The following ROBO2 variants were observed in gnomAD, a reference collection of about 807,000 sequenced individuals.
ROBO2 encodes roundabout guidance receptor 2.
Under a neutral mutation model 160.8 loss-of-function variants are expected in ROBO2, and 53 were observed. That is an observed-to-expected ratio of 0.33 (90% CI 0.26 to 0.41). The LOEUF (loss-of-function observed/expected upper bound fraction) is 0.41, where lower values mean the gene tolerates loss of function less well. ROBO2 is among the 10% of genes least tolerant of loss of function. The pLI is 1.00. For synonymous variants in ROBO2, 664 were observed against 611.7 expected (o/e 1.09, Z -1.26); for missense variants, 1,577 against 1,722.4 (o/e 0.92, Z 1.49).
chr3:76,637,436 GA>G lies in ROBO2; in HGVS notation c.110-460568del, dbSNP rs1351885217. On this transcript the variant is annotated intron_variant, in intron 2 of 26. Coordinates refer to the ROBO2 transcript ENST00000487694. ...AAGTTCTAGAAATAAAAAAAAAAAT[GA>G]AAAAAAAAATACTTGGGGGAAAACA... Among the ~76,000 whole-genome samples the G allele has an allele frequency of 2.3e-3, 336 of 145,646 alleles. 3 individuals carry two copies. Among genetic ancestry groups the G allele is most frequent in the African/African-American group, 7.7e-3 (304 of 39,354 alleles).
At chr3:77,604,458 C>T (rs1049989280) in intron 20 of ROBO2, among the ~76,000 whole-genome samples, 2 of 152,054 alleles carry the variant, frequency 1.3e-5, no homozygotes, top group African/African-American at 2.4e-5. Context: ...TTGATTGCCA[C>T]CACCAAGTTT....
chr3:76,990,076 A>G (rs1161640402), intron 2 of ROBO2, among the ~76,000 whole-genome samples: 2 of 105,514 alleles, frequency 1.9e-5, no homozygotes, highest in Non-Finnish European at 3.8e-5. Flanking sequence ...AAAGCTATTG[A>G]AAAATTATTT....
chr3:76,415,740 G>A (rs1040966462), intron 2 of ROBO2, among the ~76,000 whole-genome samples: 17 of 152,042 alleles, frequency 1.1e-4, no homozygotes, highest in African/African-American at 4.1e-4. Flanking sequence ...AGACTAAGAT[G>A]ATCAACCTGT....
intron 2 of ROBO2, among the ~76,000 whole-genome samples, chr3:76,389,276 T>G (rs1576863998): frequency 6.6e-6 from 1 of 152,332 alleles, no homozygotes; most frequent in South Asian, 2.1e-4. Context: ...TCAGGGGATC[T>G]TCAAAGAATG....
intron 2 of ROBO2, among the ~76,000 whole-genome samples, chr3:77,473,430 A>G (rs1167391504): frequency 7.3e-6 from 1 of 137,574 alleles, no homozygotes; most frequent in Non-Finnish European, 1.5e-5. Flanking sequence ...GTTCGATTTT[A>G]CAAACTGCTC....
intron 2 of ROBO2, among the ~76,000 whole-genome samples, chr3:77,019,661 C>T (rs1415051771): frequency 6.6e-6 from 1 of 152,170 alleles, no homozygotes; most frequent in African/African-American, 2.4e-5. Context: ...GTCAGGAAAA[C>T]TCAAACTACC....
At chr3:76,102,467 G>A (rs1347510937) in intron 2 of ROBO2, among the ~76,000 whole-genome samples, 2 of 152,170 alleles carry the variant, frequency 1.3e-5, no homozygotes, top group South Asian at 4.1e-4. Flanking sequence ...TAACAGCTTG[G>A]TAGAGAATTA....
At chr3:76,049,855 G>A (rs911667662) in intron 2 of ROBO2, among the ~76,000 whole-genome samples, 1 of 152,068 alleles carries the variant, frequency 6.6e-6, no homozygotes, top group Non-Finnish European at 1.5e-5. Context: ...TCAGTTGGTA[G>A]TCTTCTGTAT....
intron 2 of ROBO2, among the ~76,000 whole-genome samples, chr3:77,308,814 A>T (rs1458069993): frequency 6.6e-6 from 1 of 152,188 alleles, no homozygotes; most frequent in Non-Finnish European, 1.5e-5. Context: ...TTTCTCTCAG[A>T]TTCTAACTTG....
Position 76,672,168 on chromosome 3 carries a change from A to G in ROBO2, c.110-425846A>G, listed in dbSNP as rs561974113. Among the ~76,000 whole-genome samples the G allele has an allele frequency of 5.0e-4, 76 of 152,256 alleles. 1 individual carries two copies. Among genetic ancestry groups the G allele is most frequent in the African/African-American group, 1.8e-3 (74 of 41,566 alleles). On this transcript the variant is annotated intron_variant, in intron 2 of 26. Transcript: ENST00000487694. ...GCTTCTAGCTTTCTGCTTTGCCATC[A>G]CTACGCTGTGGACTTCTTTGTGGGC...
intron 2 of ROBO2, among the ~76,000 whole-genome samples, chr3:76,930,807 C>G (rs899718215): frequency 5.3e-5 from 8 of 152,146 alleles, no homozygotes; most frequent in Non-Finnish European, 1.0e-4. Flanking sequence ...CTGTTCAGGC[C>G]CTCAGTGGAT....
chr3:77,088,668 A>G (rs906162905), intron 1 of ROBO2, among the ~76,000 whole-genome samples: 2 of 152,222 alleles, frequency 1.3e-5, no homozygotes, highest in African/African-American at 4.8e-5. Flanking sequence ...TACTGACAAT[A>G]TGGATAAATT....
At chr3:77,617,592 G>A (rs768691122) in exon 22 of ROBO2, 3 of 1,614,134 alleles carry the variant, frequency 1.9e-6, no homozygotes, top group Non-Finnish European at 2.5e-6. Context: ...ACTGGAAGAA[G>A]ATGATGATAG....
At chr3:77,346,417 C>G (rs780238365) in intron 2 of ROBO2, among the ~76,000 whole-genome samples, 1 of 152,118 alleles carries the variant, frequency 6.6e-6, no homozygotes, top group Non-Finnish European at 1.5e-5. Context: ...TCTACTCTTA[C>G]AACTATTTTA....
intron 2 of ROBO2, among the ~76,000 whole-genome samples, chr3:77,245,416 A>G (rs2089611397): frequency 6.6e-6 from 1 of 152,128 alleles, no homozygotes; most frequent in African/African-American, 2.4e-5. Context: ...CCAGGGGAGG[A>G]TTTTCATTAA....
intron 2 of ROBO2, among the ~76,000 whole-genome samples, chr3:76,212,072 G>A (rs1337607234): frequency 2.0e-5 from 3 of 151,694 alleles, no homozygotes; most frequent in Non-Finnish European, 2.9e-5. Context: ...ACCATAATAA[G>A]TATATTTTTG....
chr3:77,389,634 TTTC>T (rs1044862835), intron 2 of ROBO2, among the ~76,000 whole-genome samples: 1 of 152,226 alleles, frequency 6.6e-6, no homozygotes, highest in South Asian at 2.1e-4. Context: ...CTTTCCTTTT[TTTC>T]TTCTTCTTCC....
intron 2 of ROBO2, among the ~76,000 whole-genome samples, chr3:76,652,584 T>A (rs761032579): frequency 5.1e-4 from 78 of 152,226 alleles, no homozygotes; most frequent in Non-Finnish European, 1.1e-3. Context: ...TTTCATGCAA[T>A]TTAGCAGTTT....
intron 2 of ROBO2, among the ~76,000 whole-genome samples, chr3:77,283,373 C>T (rs1391252742): frequency 7.2e-5 from 11 of 152,180 alleles, no homozygotes; most frequent in Middle Eastern, 3.4e-3. Context: ...TTGCTGAATG[C>T]GATATCAAAG....
Sources: gnomAD v4.1 joint callset for allele counts (sites outside exome capture counted in the v4.1 genomes callset) on GRCh38, gnomAD v4.1.1 for gene constraint, MANE v1.5 for transcripts, NCBI Gene and HGNC (gene_info 2026-07-23, HGNC 2026-07-21) for gene names.